ITPK1: variants seen among roughly 807,000 people sequenced by gnomAD.
ITPK1 encodes inositol-tetrakisphosphate 1-kinase, also known as inositol 1,3,4-trisphosphate 5/6-kinase.
In ITPK1, 21 loss-of-function variants were observed where a neutral mutation model predicts 45.3. The ratio of observed to expected loss-of-function variants is 0.46; its 90% CI spans 0.33 to 0.67. The LOEUF (loss-of-function observed/expected upper bound fraction) is 0.67. Among genes scored for constraint, ITPK1 ranks in the 30% least tolerant of loss-of-function variants. ITPK1 has a pLI of 0.02. For synonymous variants in ITPK1, 258 were observed against 253.6 expected (o/e 1.02, Z -0.16); for missense variants, 474 against 573.5 (o/e 0.83, Z 1.77).
intron 3 of ITPK1, among the ~76,000 whole-genome samples, chr14:93,054,177 A>T (rs928165511): frequency 1.3e-5 from 2 of 152,206 alleles, no homozygotes; most frequent in African/African-American, 2.4e-5. Context: ...TAGCAAGTGA[A>T]CCGAGCCAGT....
At chr14:93,029,526 C>A (rs974321937) in intron 3 of ITPK1, among the ~76,000 whole-genome samples, 1 of 152,174 alleles carries the variant, frequency 6.6e-6, no homozygotes, top group African/African-American at 2.4e-5. Context: ...AGCTTCAGCC[C>A]CAGGGTGCAC....
intron 2 of ITPK1, among the ~76,000 whole-genome samples, chr14:93,082,874 G>A (rs1891493387): frequency 1.3e-5 from 2 of 152,224 alleles, no homozygotes; most frequent in Admixed American, 1.3e-4. Flanking sequence ...GGGCCAAGAG[G>A]GCTCCAGGAG....
intron 5 of ITPK1, among the ~76,000 whole-genome samples, chr14:92,972,294 G>T (rs981559248): frequency 1.3e-5 from 2 of 152,196 alleles, no homozygotes; most frequent in Admixed American, 1.3e-4. Flanking sequence ...CTGGGAGATA[G>T]GGTCTTTAAA....
At position 92,999,765 on chromosome 14, in the gene ITPK1, C is replaced by A. The variant is rs143212856; in HGVS notation, c.247-5768G>T. On this transcript the variant is annotated intron_variant, in intron 4 of 10. Coordinates refer to ENST00000267615, the MANE Select transcript of ITPK1 (RefSeq NM_014216.6). ...CTCATAGGATTTTTATTAAAAACAG[C>A]CTGATTGAGATATCATTCACATACG... Among the ~76,000 whole-genome samples, 897 of 152,322 alleles carry A rather than the reference C, an allele frequency of 5.9e-3. 5 individuals carry two copies. The highest frequency in any genetic ancestry group is 9.1e-3 in the Non-Finnish European group (619 of 68,032).
At chr14:93,011,435 C>T (rs576384635) in intron 4 of ITPK1, among the ~76,000 whole-genome samples, 1 of 152,358 alleles carries the variant, frequency 6.6e-6, no homozygotes, top group East Asian at 1.9e-4. Context: ...CGGGGAGGCA[C>T]TACTGAAGGC....
At chr14:92,964,570 G>A (rs1885248311) in intron 5 of ITPK1, among the ~76,000 whole-genome samples, 1 of 152,234 alleles carries the variant, frequency 6.6e-6, no homozygotes, top group Non-Finnish European at 1.5e-5. Context: ...CTGCAACCCA[G>A]TCCCAAAGGA....
intron 2 of ITPK1, among the ~76,000 whole-genome samples, chr14:93,102,236 G>A (rs1245465733): frequency 6.6e-6 from 1 of 152,228 alleles, no homozygotes; most frequent in Non-Finnish European, 1.5e-5. Flanking sequence ...CCAGAGCAGC[G>A]AGAGGATGGG....
chr14:92,979,998 C>G (rs1358112475), intron 5 of ITPK1, among the ~76,000 whole-genome samples: 2 of 152,050 alleles, frequency 1.3e-5, no homozygotes, highest in Non-Finnish European at 2.9e-5. Flanking sequence ...CCAGGCTGGT[C>G]TGGAACTCCT....
In ITPK1 at chr14:93,030,880, T is replaced by C. The variant is rs913547997; in HGVS notation, c.121-14079A>G. 5.3e-5 allele frequency among the ~76,000 whole-genome samples: 8 copies of C among 152,022 alleles called. No homozygotes were observed. The South Asian group carries it at 1.7e-3, about 32-fold the overall frequency. On this transcript the variant is annotated intron_variant, in intron 3 of 10. Coordinates refer to ENST00000267615, the MANE Select transcript of ITPK1 (RefSeq NM_014216.6). ...TGGTGCTCCTATAAAAAGGGGAAATTTAGACACAGACCCGCACAAAGGAGG... is the reference window on the plus strand; with the variant it reads ...TGGTGCTCCTATAAAAAGGGGAAATCTAGACACAGACCCGCACAAAGGAGG...
At chr14:93,092,164 C>T (rs564058036) in intron 2 of ITPK1, among the ~76,000 whole-genome samples, 4 of 152,294 alleles carry the variant, frequency 2.6e-5, no homozygotes, top group African/African-American at 9.6e-5. Context: ...TCACCAGGCA[C>T]CCACGCTAAG....
At chr14:93,088,364 G>C (rs973119828) in intron 2 of ITPK1, among the ~76,000 whole-genome samples, 14 of 132,532 alleles carry the variant, frequency 1.1e-4, no homozygotes, top group African/African-American at 4.2e-4. Context: ...TTTTGAGACA[G>C]GGTCTCCCTC....
chr14:93,090,485 C>A (rs1318312449), intron 2 of ITPK1, among the ~76,000 whole-genome samples: 1 of 152,210 alleles, frequency 6.6e-6, no homozygotes, highest in Non-Finnish European at 1.5e-5. Context: ...GAGTCCACTT[C>A]GTGCCAACCC....
At chr14:92,993,164 AC>A (rs944731627) in intron 5 of ITPK1, among the ~76,000 whole-genome samples, 34 of 152,376 alleles carry the variant, frequency 2.2e-4, no homozygotes, top group African/African-American at 7.9e-4. Flanking sequence ...ATAAATCCTC[AC>A]AAAGCCGGAG....
At position 92,980,276 on chromosome 14, in the gene ITPK1, G is replaced by A. The variant is rs149509052; in HGVS notation, c.364+13604C>T. Among the ~76,000 whole-genome samples the A allele has an allele frequency of 6.1e-3, 936 of 152,314 alleles. 12 individuals are homozygous for A. Among genetic ancestry groups the A allele is most frequent in the African/African-American group, 0.021 (886 of 41,564 alleles). On this transcript the variant is annotated intron_variant, in intron 5 of 10. Coordinates refer to ENST00000267615, the MANE Select transcript of ITPK1 (RefSeq NM_014216.6). ...CACAAAGAGAACACCACCCAGCCCT[G>A]ACAATGTTCTTGGCTGAGCCAGAGC... is the stretch of plus-strand genomic sequence containing the variant.
At position 92,938,301 on chromosome 14, in the gene ITPK1, G is replaced by A. The variant is rs952789741; in HGVS notation, c.*3260C>T. ...AAGAGAGGGCAGATACAGACCCCAG[G>A]GACATTAGTGAAGCCATTCAGCAGT... On this transcript the variant is annotated 3_prime_UTR_variant, in exon 11 of 11. Transcript: ENST00000267615. 1.6e-6 allele frequency: 1 copy of A among 639,462 alleles called. No individual in the cohort carries two copies. Among genetic ancestry groups the A allele is most frequent in the South Asian group, 1.8e-5 (1 of 54,468 alleles). 39.6% of individuals were successfully genotyped at this position (639,462 alleles called of 1,614,324 possible).
At chr14:92,986,452 T>C (rs772203668) in intron 5 of ITPK1, among the ~76,000 whole-genome samples, 2 of 152,092 alleles carry the variant, frequency 1.3e-5, no homozygotes, top group Non-Finnish European at 2.9e-5. Context: ...AGACAAACAG[T>C]CTGTTCACCA....
rs745764479 is a variant in ITPK1 at position 93,076,654 on chromosome 14, C to T, written c.96-35G>A. 1.9e-4 allele frequency: 301 copies of T among 1,613,988 alleles called. 1 individual carries two copies. The highest frequency in any genetic ancestry group is 3.3e-4 in the Middle Eastern group (2 of 6,062). On this transcript the variant is annotated intron_variant, in intron 2 of 10. Coordinates refer to ENST00000267615, the MANE Select transcript of ITPK1 (RefSeq NM_014216.6). This position sits in a 1 kb window ranked among gnomAD's most constrained non-coding sequence, Gnocchi z 4.3. The stretch of plus-strand genomic sequence containing the variant: ...AAAACAAAGAAAACAAGCGTTACTC[C>T]AGCAGGCTGGACACGTCCTTTCCGA...
chr14:93,060,390 G>A (rs1002463394), intron 3 of ITPK1, among the ~76,000 whole-genome samples: 1 of 152,192 alleles, frequency 6.6e-6, no homozygotes, highest in African/African-American at 2.4e-5. Context: ...CACACATACA[G>A]GGTCAGAAGA....
chr14:93,055,693 A>G (rs941842809), intron 3 of ITPK1, among the ~76,000 whole-genome samples: 59 of 152,234 alleles, frequency 3.9e-4, no homozygotes, highest in African/African-American at 1.4e-3. Flanking sequence ...GCGCCTTTCC[A>G]AAGTCCAAGG....
Sources: allele counts gnomAD v4.1 joint callset (sites outside exome capture counted in the v4.1 genomes callset), GRCh38; gene constraint gnomAD v4.1.1; non-coding constraint Gnocchi (gnomAD v3.1); transcripts MANE v1.5; gene names NCBI Gene and HGNC (gene_info 2026-07-23, HGNC 2026-07-21).